ABCA12: variants seen among roughly 807,000 people sequenced by gnomAD.
ABCA12 encodes ATP binding cassette subfamily A member 12, also known as glucosylceramide transporter ABCA12.
A neutral mutation model predicts 293.5 loss-of-function variants in ABCA12; 156 were observed. That is an observed-to-expected ratio of 0.53 (90% CI 0.47 to 0.61). The LOEUF is 0.61. Ranked by LOEUF, ABCA12 falls within the 20% of genes least tolerant of loss-of-function variation. ABCA12 has a pLI of 0.00. For missense variants in ABCA12, 2,797 were observed against 3,090.2 expected (o/e 0.91, Z 2.25); for synonymous variants, 1,063 against 1,108.0 (o/e 0.96, Z 0.81).
At chr2:214,950,816 TTTTAA>T in intron 45 of ABCA12, 58 bp downstream of exon 45, 3 of 1,565,846 alleles carry the variant, frequency 1.9e-6, no homozygotes, top group Non-Finnish European at 2.6e-6. Flanking sequence ...ATAATTAAGA[TTTTAA>T]TTTGTCACAT....
At chr2:215,046,528 T>C (rs187597246) in intron 6 of ABCA12, among the ~76,000 whole-genome samples, 1 of 149,160 alleles carries the variant, frequency 6.7e-6, no homozygotes, top group East Asian at 1.9e-4. Flanking sequence ...TGTATATATA[T>C]ATATACATAA....
rs772078473 is a variant in ABCA12, at chr2:214,932,677, G to A, written c.7745C>T (p.Ser2582Phe). Reference protein sequence around the residue: ...YETADTSSQGSTISVDSQDDQ... With the variant: ...YETADTSSQGFTISVDSQDDQ... ...ATCTTGTGAGTCAACACTTATAGTG[G>A]AACCTTGGCTGCTGGTATCAGCAGT... Residue 2582 changes from serine (S) to phenylalanine (F), a missense_variant, in exon 53 of 53, where the codon TCC (serine) becomes TTC (phenylalanine). Physicochemically the swap from Ser to Phe is radical, Grantham distance 155. This residue lies in a region of ABCA12 where 2,130 missense variants were observed against 2,427.0 expected (regional missense o/e 0.88). Coordinates refer to ENST00000272895, the MANE Select transcript of ABCA12 (RefSeq NM_173076.3). 1.3e-5 allele frequency: 21 copies of A among 1,613,526 alleles called. No individual in the cohort carries two copies. The highest frequency in any genetic ancestry group is 1.8e-5 in the Non-Finnish European group (21 of 1,179,780).
chr2:215,104,372 G>A lies in ABCA12; in HGVS notation c.163+7225C>T, dbSNP rs190569677. On this transcript the variant is annotated intron_variant, in intron 2 of 52. Coordinates refer to ENST00000272895, the MANE Select transcript of ABCA12 (RefSeq NM_173076.3). ...GCATTAGCTGAGAAACCTTGTCATC[G>A]TGTTAGCTGGCATTAGGGTGTGCCC... Among the ~76,000 whole-genome samples, 496 of 152,278 alleles carry A rather than the reference G, an allele frequency of 3.3e-3. 2 individuals carry two copies. Among genetic ancestry groups the A allele is most frequent in the Non-Finnish European group, 5.0e-3 (337 of 68,020 alleles).
intron 31 of ABCA12, 71 bp downstream of exon 31, chr2:214,980,412 G>C: frequency 6.3e-7 from 1 of 1,584,452 alleles, no homozygotes; most frequent in African/African-American, 1.3e-5. Flanking sequence ...AAGTTGGAGA[G>C]ACTCTGCTCC....
At chr2:214,998,735 A>G (rs1700084340) in intron 22 of ABCA12, among the ~76,000 whole-genome samples, 1 of 152,102 alleles carries the variant, frequency 6.6e-6, no homozygotes, top group African/African-American at 2.4e-5. Flanking sequence ...GGGACCATCT[A>G]TTTGCTTTTT....
chr2:215,099,348 T>G (rs928891581), intron 2 of ABCA12, among the ~76,000 whole-genome samples: 1 of 152,228 alleles, frequency 6.6e-6, no homozygotes, highest in Middle Eastern at 3.2e-3. Flanking sequence ...AAATCCTGAC[T>G]GCAAACTCAT....
chr2:214,960,871 T>G (rs900566160), intron 39 of ABCA12, among the ~76,000 whole-genome samples: 1 of 152,088 alleles, frequency 6.6e-6, no homozygotes, highest in Non-Finnish European at 1.5e-5. Flanking sequence ...AGAACAGAAT[T>G]TTCATGTTAT....
At chr2:215,012,406 T>C (rs957417485) in intron 15 of ABCA12, among the ~76,000 whole-genome samples, 1 of 152,100 alleles carries the variant, frequency 6.6e-6, no homozygotes, top group Non-Finnish European at 1.5e-5. Context: ...TCCAGGTGAG[T>C]GGACAAAGTA....
rs148119188 is a variant in ABCA12, at chr2:215,076,470, A to G, written c.164-12251T>C. Reference sequence around the variant, plus strand: ...CAGCAAAATACACAGGAAAACCAAGAGATTCCGTTTTACATCTATCAGATT... The same window carrying G: ...CAGCAAAATACACAGGAAAACCAAGGGATTCCGTTTTACATCTATCAGATT... On this transcript the variant is annotated intron_variant, in intron 2 of 52. Transcript: ENST00000272895. Among the ~76,000 whole-genome samples, 480 of 152,306 alleles carry G rather than the reference A, an allele frequency of 3.2e-3. 2 individuals carry two copies. Among genetic ancestry groups the G allele is most frequent in the African/African-American group, 0.011 (447 of 41,562 alleles).
chr2:214,970,191 A>G (rs914336922), intron 37 of ABCA12, 82 bp downstream of exon 37: 32 of 1,381,410 alleles, frequency 2.3e-5, no homozygotes, highest in Non-Finnish European at 3.1e-5. Flanking sequence ...AACAATAGAA[A>G]TTTGTATCTA....
chr2:215,065,297 T>TAAAAAAAAAAAAAAAAAAAAA (rs66466863), intron 2 of ABCA12, among the ~76,000 whole-genome samples: 3 of 45,126 alleles, frequency 6.6e-5, no homozygotes, highest in African/African-American at 2.6e-4. Context: ...CATGAATGTG[T>TAAAAAAAAAAAAAAAAAAAAA]AAAAAAAAAA....
At chr2:214,942,550 C>A (rs1698440582) in intron 50 of ABCA12, among the ~76,000 whole-genome samples, 1 of 152,108 alleles carries the variant, frequency 6.6e-6, no homozygotes, top group African/African-American at 2.4e-5. Flanking sequence ...ATGCTAGATA[C>A]AATCTATGCC....
intron 2 of ABCA12, among the ~76,000 whole-genome samples, chr2:215,074,828 G>A (rs541960329): frequency 6.6e-6 from 1 of 152,134 alleles, no homozygotes; most frequent in East Asian, 1.9e-4. Context: ...TGTAGTCCCA[G>A]CTACTTGGGA....
At chr2:215,067,145 G>A (rs548781946) in intron 2 of ABCA12, among the ~76,000 whole-genome samples, 11 of 152,086 alleles carry the variant, frequency 7.2e-5, no homozygotes, top group African/African-American at 1.2e-4. Context: ...GAATCAAACC[G>A]TTACACATTT....
intron 2 of ABCA12, among the ~76,000 whole-genome samples, chr2:215,110,649 C>T (rs998568069): frequency 9.9e-5 from 15 of 152,196 alleles, no homozygotes; most frequent in African/African-American, 2.4e-4. Flanking sequence ...GCATGATTCA[C>T]GTAAATTCTG....
chr2:215,004,737 G>C (rs1700217603), intron 19 of ABCA12: 1 of 177,292 alleles, frequency 5.6e-6, no homozygotes, highest in Admixed American at 5.6e-5. Context: ...TTGTATTCAA[G>C]TTCTACTACT....
rs1478207792 is a variant in ABCA12, at chr2:214,945,076, T to C, written c.7268A>G (p.Lys2423Arg). 6.2e-7 allele frequency: 1 copy of C among 1,613,748 alleles called. No homozygotes were observed. Among genetic ancestry groups the C allele is most frequent in the East Asian group, 2.2e-5 (1 of 44,862 alleles). The change falls in exon 49 of 53, where the codon AAG (lysine) becomes AGG (arginine). Residue 2423 changes from lysine (K) to arginine (R), a missense_variant. This residue lies in a region of ABCA12 where 2,130 missense variants were observed against 2,427.0 expected (regional missense o/e 0.88). Coordinates refer to ENST00000272895, the MANE Select transcript of ABCA12 (RefSeq NM_173076.3). ...LDEPSSGMDP[K>R]SKRHLWKIIS... ...GATCTTCCAGAGGTGCCGTTTCGAC[T>C]TCGGATCCATGCCAGAGCTCGGCTC...
chr2:215,048,682 G>C (rs1701254639), intron 6 of ABCA12, among the ~76,000 whole-genome samples: 1 of 152,122 alleles, frequency 6.6e-6, no homozygotes, highest in South Asian at 2.1e-4. Context: ...CAGCCTGAGT[G>C]ACAGAGTGAA....
At chr2:215,042,783 G>A (rs1701125405) in intron 7 of ABCA12, among the ~76,000 whole-genome samples, 1 of 151,982 alleles carries the variant, frequency 6.6e-6, no homozygotes, top group Non-Finnish European at 1.5e-5. Flanking sequence ...CTGTGCAATA[G>A]AACAGTAAAA....
Sources: gnomAD v4.1 joint callset for allele counts (sites outside exome capture counted in the v4.1 genomes callset) on GRCh38, gnomAD v4.1.1 for gene constraint, gnomAD v4.1.1 regional missense constraint, MANE v1.5 for transcripts, NCBI Gene and HGNC (gene_info 2026-07-23, HGNC 2026-07-21) for gene names.